CCDC91: variants seen among roughly 807,000 people sequenced by gnomAD.
CCDC91 encodes coiled-coil domain-containing protein 91.
CCDC91 carries 48 observed loss-of-function variants against 63.2 expected under a neutral mutation model. That is an observed-to-expected ratio of 0.76 (90% CI 0.60 to 0.97). CCDC91 has a LOEUF of 0.97. Among genes scored for constraint, CCDC91 ranks in the 50% least tolerant of loss-of-function variants. The pLI is 0.00. For missense variants in CCDC91, 500 were observed against 494.6 expected, an observed-to-expected ratio of 1.01 and a Z score of -0.10; for synonymous variants, 167 against 165.8, an observed-to-expected ratio of 1.01 and a Z score of -0.06.
At chr12:28,285,767 TA>T (rs1948879429) in intron 3 of CCDC91, among the ~76,000 whole-genome samples, 2 of 151,930 alleles carry the variant, frequency 1.3e-5, no homozygotes, top group Admixed American at 1.3e-4. Context: ...ATTAACTGGA[TA>T]AATTAATATT....
intron 11 of CCDC91, 31 bp from the exon 12 acceptor site, chr12:28,484,021 C>A: frequency 7.3e-7 from 1 of 1,365,836 alleles, no homozygotes; most frequent in Non-Finnish European, 1.0e-6. Context: ...GTGCTCACCT[C>A]CCTGACTGTT....
chr12:28,483,894 A>T (rs537269836), intron 11 of CCDC91, among the ~76,000 whole-genome samples, 158 bp from the exon 12 acceptor site: 1 of 152,278 alleles, frequency 6.6e-6, no homozygotes, highest in Admixed American at 6.5e-5. Context: ...TCTCTAACAG[A>T]TCGCAAAAGA....
intron 12 of CCDC91, among the ~76,000 whole-genome samples, chr12:28,545,242 C>T (rs1320889044): frequency 6.6e-6 from 1 of 151,982 alleles, no homozygotes; most frequent in African/African-American, 2.4e-5. Flanking sequence ...GCCACAAATA[C>T]AGAACTAAGT....
chr12:28,371,787 C>G (rs1944639322), intron 7 of CCDC91, among the ~76,000 whole-genome samples: 2 of 152,284 alleles, frequency 1.3e-5, no homozygotes, highest in South Asian at 4.1e-4. Flanking sequence ...GAGGCTTGAA[C>G]AATCTCAGAT....
At chr12:28,466,828 CTG>C (rs775317196) in intron 11 of CCDC91, among the ~76,000 whole-genome samples, 6 of 152,042 alleles carry the variant, frequency 3.9e-5, no homozygotes, top group Non-Finnish European at 8.8e-5. Context: ...TATTGTAACA[CTG>C]TAACTTTGGT....
At chr12:28,387,843 T>C (rs773231331) in intron 7 of CCDC91, among the ~76,000 whole-genome samples, 5 of 152,214 alleles carry the variant, frequency 3.3e-5, no homozygotes, top group Non-Finnish European at 7.3e-5. Flanking sequence ...TGTTCCGCTA[T>C]AAACGTGTGT....
intron 3 of CCDC91, among the ~76,000 whole-genome samples, chr12:28,281,601 T>G (rs1948612268): frequency 6.6e-6 from 1 of 152,212 alleles, no homozygotes; most frequent in African/African-American, 2.4e-5. Flanking sequence ...CAAAAGGCTA[T>G]CACAGTATTC....
chr12:28,289,685 C>CTTTTTTTTTTT lies in CCDC91; in HGVS notation c.110-15951_110-15941dup, dbSNP rs75555723. 3.4e-3 allele frequency among the ~76,000 whole-genome samples: 330 copies of CTTTTTTTTTTT among 98,376 alleles called. 2 individuals are homozygous for CTTTTTTTTTTT. Among genetic ancestry groups the CTTTTTTTTTTT allele is most frequent in the Middle Eastern group, 7.7e-3 (1 of 130 alleles). The allele number at this position is 98,376 out of a possible 152,430, so 64.5% of individuals were successfully genotyped here. A position where few individuals can be genotyped will look rare whatever the true frequency, so the allele number is the denominator to read the frequency against. On this transcript the variant is annotated intron_variant, in intron 3 of 12. Coordinates refer to ENST00000536442, the MANE Select transcript of CCDC91 (RefSeq NM_018318.5). ...TTGGGGTGGAGAGTTCTTTTCTTTT[C>CTTTTTTTTTTT]TTTTTTTTTTTTTTTTTTTTTTTGA...
chr12:28,548,972 TTTCTAGTGGGC>T (rs1943166609), intron 12 of CCDC91, 80 bp from the exon 13 acceptor site: 1 of 824,218 alleles, frequency 1.2e-6, no homozygotes, highest in African/African-American at 1.7e-5. Flanking sequence ...TGGAAAGTTT[TTTCTAGTGGGC>T]TTCAGAGACA....
chr12:28,376,117 T>G (rs1944927827), intron 7 of CCDC91, among the ~76,000 whole-genome samples: 1 of 151,876 alleles, frequency 6.6e-6, no homozygotes. Flanking sequence ...GAGTTTTTCT[T>G]TTTTAAAAAA....
intron 11 of CCDC91, among the ~76,000 whole-genome samples, chr12:28,467,830 A>T (rs1298224708): frequency 1.3e-5 from 2 of 152,080 alleles, no homozygotes; most frequent in Non-Finnish European, 2.9e-5. Flanking sequence ...ACACATATAC[A>T]TGAAAAGGAA....
chr12:28,346,845 T>A (rs1331711210), intron 6 of CCDC91, among the ~76,000 whole-genome samples: 1 of 152,146 alleles, frequency 6.6e-6, no homozygotes, highest in Non-Finnish European at 1.5e-5. Context: ...ACCTTCAACC[T>A]CTATCCTTTC....
chr12:28,310,992 G>T (rs1939264511), intron 6 of CCDC91, among the ~76,000 whole-genome samples: 2 of 151,916 alleles, frequency 1.3e-5, no homozygotes, highest in South Asian at 4.2e-4. Flanking sequence ...ATTTTATCCT[G>T]CATATTTTGG....
chr12:28,275,864 CA>C (rs1395819263), intron 3 of CCDC91, among the ~76,000 whole-genome samples: 2 of 152,042 alleles, frequency 1.3e-5, no homozygotes, highest in Non-Finnish European at 2.9e-5. Context: ...GAACCAAAAA[CA>C]AAAACCACAT....
intron 12 of CCDC91, among the ~76,000 whole-genome samples, chr12:28,509,616 T>C (rs1467906647): frequency 5.3e-5 from 8 of 152,068 alleles, no homozygotes; most frequent in African/African-American, 9.6e-5. Context: ...TTCTCTGTAA[T>C]CATTGTATAA....
intron 8 of CCDC91, among the ~76,000 whole-genome samples, chr12:28,428,201 T>C (rs1948431179): frequency 6.6e-6 from 1 of 152,054 alleles, no homozygotes; most frequent in African/African-American, 2.4e-5. Context: ...AGAAATATAG[T>C]TTATTTTGGG....
intron 12 of CCDC91, among the ~76,000 whole-genome samples, chr12:28,547,239 C>A (rs1315855248): frequency 6.6e-6 from 1 of 152,020 alleles, no homozygotes; most frequent in Non-Finnish European, 1.5e-5. Flanking sequence ...AGACCAAGTG[C>A]AAAATAGTTT....
chr12:28,238,980 A>T (rs1348890782), intron 1 of CCDC91, among the ~76,000 whole-genome samples: 1 of 151,960 alleles, frequency 6.6e-6, no homozygotes, highest in Non-Finnish European at 1.5e-5. Context: ...TTAGCTGGGC[A>T]TGATGGTGGG....
At chr12:28,256,638 C>A (rs1946475499) in intron 1 of CCDC91, 1 of 152,722 alleles carries the variant, frequency 6.5e-6, no homozygotes, top group Non-Finnish European at 1.5e-5. Context: ...TCTTGATCAG[C>A]CTAGTAACTT....
Sources: allele counts gnomAD v4.1 joint callset (sites outside exome capture counted in the v4.1 genomes callset), GRCh38; gene constraint gnomAD v4.1.1; transcripts MANE v1.5; gene names NCBI Gene and HGNC (gene_info 2026-07-23, HGNC 2026-07-21).